PVT1: variants seen among roughly 807,000 people sequenced by gnomAD.
The protein encoded by PVT1 is Pvt1 oncogene, also known as CXCR4/PVT1 fusion.
intron 3 of PVT1, among the ~76,000 whole-genome samples, chr8:127,976,213 C>G (rs958899358): frequency 6.6e-6 from 1 of 152,170 alleles, no homozygotes; most frequent in Non-Finnish European, 1.5e-5. Context: ...CTCTTCCAAC[C>G]CTTCTCCAGA....
chr8:128,062,913 T>C (rs1254252450), intron 4 of PVT1, among the ~76,000 whole-genome samples: 3 of 152,198 alleles, frequency 2.0e-5, no homozygotes, highest in African/African-American at 7.2e-5. Flanking sequence ...GGGCACTGAA[T>C]GTGAACTTTG....
chr8:128,038,722 C>T (rs1030698636), intron 4 of PVT1, among the ~76,000 whole-genome samples: 6 of 152,106 alleles, frequency 3.9e-5, no homozygotes, highest in Non-Finnish European at 7.4e-5. Flanking sequence ...CTGCAGTAGG[C>T]TGTGTCTTGC....
intron 2 of PVT1, among the ~76,000 whole-genome samples, chr8:127,845,220 T>C (rs1167098446): frequency 6.6e-6 from 1 of 152,178 alleles, no homozygotes; most frequent in Non-Finnish European, 1.5e-5. Flanking sequence ...CCTAAAGCAC[T>C]GGCTTCATTG....
chr8:127,987,743 C>T (rs1295808664), intron 3 of PVT1, among the ~76,000 whole-genome samples: 1 of 152,310 alleles, frequency 6.6e-6, no homozygotes, highest in Admixed American at 6.5e-5. Flanking sequence ...AAGAGCCCAC[C>T]GTCAACCAAG....
At chr8:127,997,754 A>G (rs1265189974) in intron 4 of PVT1, among the ~76,000 whole-genome samples, 1 of 152,208 alleles carries the variant, frequency 6.6e-6, no homozygotes. Flanking sequence ...ATGGACCAAT[A>G]TTGATACATT....
chr8:127,883,093 T>TACACAG (rs1815487968), intron 2 of PVT1, among the ~76,000 whole-genome samples: 1 of 136,582 alleles, frequency 7.3e-6, no homozygotes, highest in South Asian at 2.3e-4. Flanking sequence ...CACAGACACA[T>TACACAG]GCGGAGTCCA....
intron 3 of PVT1, among the ~76,000 whole-genome samples, chr8:127,902,075 T>A (rs558531674): frequency 1.3e-5 from 2 of 152,176 alleles, no homozygotes; most frequent in South Asian, 2.1e-4. Flanking sequence ...AATGTGTTGG[T>A]GGTTGAAAGA....
At chr8:128,009,362 T>C (rs960064930) in intron 4 of PVT1, among the ~76,000 whole-genome samples, 1 of 152,232 alleles carries the variant, frequency 6.6e-6, no homozygotes, top group Non-Finnish European at 1.5e-5. Flanking sequence ...CTATATGTCC[T>C]GCATAAGAAC....
intron 3 of PVT1, among the ~76,000 whole-genome samples, chr8:127,912,336 A>G (rs965747000): frequency 3.5e-4 from 53 of 152,194 alleles, no homozygotes; most frequent in African/African-American, 1.3e-3. Context: ...CCACCCTATA[A>G]TAAGTACTAT....
At chr8:127,814,138 T>C (rs938483423) in intron 2 of PVT1, among the ~76,000 whole-genome samples, 1 of 152,236 alleles carries the variant, frequency 6.6e-6, no homozygotes, top group Non-Finnish European at 1.5e-5. Flanking sequence ...AGTTTTCCTT[T>C]ATCCAGACAG....
At chr8:128,006,501 T>C (rs1817249077) in intron 4 of PVT1, among the ~76,000 whole-genome samples, 1 of 152,180 alleles carries the variant, frequency 6.6e-6, no homozygotes, top group African/African-American at 2.4e-5. Flanking sequence ...TTTTTTTTTC[T>C]GTGTAATGAA....
At chr8:128,063,866 A>G (rs530323925) in intron 4 of PVT1, among the ~76,000 whole-genome samples, 32 of 152,376 alleles carry the variant, frequency 2.1e-4, no homozygotes, top group Non-Finnish European at 1.3e-4. Flanking sequence ...CACAAAAAGG[A>G]TAACTACATG....
At chr8:127,995,457 C>G (rs1817093626) in intron 4 of PVT1, among the ~76,000 whole-genome samples, 1 of 152,158 alleles carries the variant, frequency 6.6e-6, no homozygotes, top group Non-Finnish European at 1.5e-5. Context: ...TTAAGATACA[C>G]CCCCCACATT....
At chr8:128,089,827 C>T (rs892810917) in intron 5 of PVT1, among the ~76,000 whole-genome samples, 2 of 152,136 alleles carry the variant, frequency 1.3e-5, no homozygotes, top group Non-Finnish European at 2.9e-5. Flanking sequence ...TATCTATAAG[C>T]CTATTAGAAA....
At chr8:127,885,116 T>C (rs1815508687) in intron 2 of PVT1, among the ~76,000 whole-genome samples, 1 of 151,610 alleles carries the variant, frequency 6.6e-6, no homozygotes, top group Non-Finnish European at 1.5e-5. Context: ...AGTCCTGACA[T>C]TCAGGAGCAG....
chr8:128,040,089 T>C (rs748333788), intron 4 of PVT1, among the ~76,000 whole-genome samples: 6 of 152,178 alleles, frequency 3.9e-5, no homozygotes, highest in Non-Finnish European at 5.9e-5. Flanking sequence ...GTGGAGACAG[T>C]AAGGAGGCAG....
intron 2 of PVT1, among the ~76,000 whole-genome samples, chr8:127,829,581 A>T (rs954949928): frequency 1.3e-5 from 2 of 152,354 alleles, no homozygotes; most frequent in Non-Finnish European, 2.9e-5. Context: ...ATGTAAAGAA[A>T]GCGCTTTCTG....
At chr8:128,087,542 A>G (rs996192385) in intron 5 of PVT1, among the ~76,000 whole-genome samples, 4 of 152,194 alleles carry the variant, frequency 2.6e-5, no homozygotes, top group African/African-American at 9.6e-5. Flanking sequence ...AATCAAAAAC[A>G]TGGATCACTC....
chr8:127,876,072 G>A (rs551583511), intron 2 of PVT1, among the ~76,000 whole-genome samples: 1 of 152,308 alleles, frequency 6.6e-6, no homozygotes, highest in Non-Finnish European at 1.5e-5. Context: ...GAGTTACGGG[G>A]TTGGGCCTCC....
Sources: gnomAD v4.1 joint callset for allele counts (sites outside exome capture counted in the v4.1 genomes callset) on GRCh38, gnomAD v4.1.1 for gene constraint, MANE v1.5 for transcripts, NCBI Gene and HGNC (gene_info 2026-07-23, HGNC 2026-07-21) for gene names.